ZSWIM5: variants seen among roughly 807,000 people sequenced by gnomAD.
ZSWIM5 encodes the protein zinc finger SWIM domain-containing protein 5.
ZSWIM5 carries 55 observed loss-of-function variants against 119.6 expected under a neutral mutation model. That is an observed-to-expected ratio of 0.46 (90% CI 0.37 to 0.58). The LOEUF is 0.58. ZSWIM5 is among the 20% of genes least tolerant of loss of function. ZSWIM5 has a pLI of 0.00. For synonymous variants in ZSWIM5, 537 were observed against 606.9 expected, an observed-to-expected ratio of 0.88 and a Z score of 1.69; for missense variants, 1,193 against 1,512.8, an observed-to-expected ratio of 0.79 and a Z score of 3.51.
At chr1:45,054,019 A>G (rs553175394) in intron 4 of ZSWIM5, among the ~76,000 whole-genome samples, 2 of 152,262 alleles carry the variant, frequency 1.3e-5, no homozygotes, top group East Asian at 3.9e-4. Context: ...ACAGTGTCTC[A>G]TGCTTGTAAT....
At chr1:45,195,383 G>T (rs1646115808) in intron 1 of ZSWIM5, among the ~76,000 whole-genome samples, 1 of 151,754 alleles carries the variant, frequency 6.6e-6, no homozygotes, top group Admixed American at 6.6e-5. Flanking sequence ...GACTCTAAGT[G>T]TGTGCCAACA....
rs1644875149 is a variant in ZSWIM5 at position 45,019,570 on chromosome 1, G to A, written c.2696-254C>T. Among the ~76,000 whole-genome samples the A allele has an allele frequency of 1.3e-5, 2 of 152,190 alleles. No individual in the cohort carries two copies. The highest frequency in any genetic ancestry group is 2.4e-5 in the African/African-American group (1 of 41,440). On this transcript the variant is annotated intron_variant, in intron 13 of 13. Transcript: ENST00000359600. This position sits in a 1 kb window ranked among gnomAD's most constrained non-coding sequence, Gnocchi z 5.0. ...TGCAGGTGCTCTTAGCCCCTCACAA[G>A]GATGGGACAGTAGAGCCTGGGGTTT...
At chr1:45,121,080 G>C (rs1195436689) in intron 1 of ZSWIM5, among the ~76,000 whole-genome samples, 1 of 152,110 alleles carries the variant, frequency 6.6e-6, no homozygotes, top group African/African-American at 2.4e-5. Context: ...CTCCCGAGTA[G>C]CTGGGACTAC....
chr1:45,199,768 T>C (rs960101649), intron 1 of ZSWIM5, among the ~76,000 whole-genome samples: 8 of 152,168 alleles, frequency 5.3e-5, no homozygotes, highest in African/African-American at 1.7e-4. Context: ...CCTCCCTACC[T>C]AAGGAAGGCA....
At chr1:45,115,300 T>C (rs554820207) in intron 1 of ZSWIM5, among the ~76,000 whole-genome samples, 3,098 of 149,280 alleles carry the variant, frequency 0.021, 115 homozygotes, top group African/African-American at 0.073. Context: ...CCCTCCTGGA[T>C]GGGGCGGCTG....
At chr1:45,047,130 C>T (rs116804145) in intron 5 of ZSWIM5, among the ~76,000 whole-genome samples, 3 of 151,266 alleles carry the variant, frequency 2.0e-5, no homozygotes, top group Non-Finnish European at 2.9e-5. Flanking sequence ...TTCGAAGGAA[C>T]GGTCAATGAA....
intron 1 of ZSWIM5, among the ~76,000 whole-genome samples, chr1:45,115,207 C>A (rs1000903048): frequency 6.6e-6 from 1 of 152,058 alleles, no homozygotes; most frequent in Non-Finnish European, 1.5e-5. Flanking sequence ...TCCTCACTTC[C>A]CAGATGGGGC....
chr1:45,113,378 T>C (rs1011015893), intron 1 of ZSWIM5, among the ~76,000 whole-genome samples: 1 of 152,188 alleles, frequency 6.6e-6, no homozygotes, highest in South Asian at 2.1e-4. Context: ...TTTTATTTAT[T>C]TATTTTTTAG....
intron 1 of ZSWIM5, among the ~76,000 whole-genome samples, chr1:45,120,661 C>T (rs935297650): frequency 6.6e-6 from 1 of 150,796 alleles, no homozygotes; most frequent in Non-Finnish European, 1.5e-5. Context: ...TTTTTGTAGA[C>T]ATGGGGGTCT....
At chr1:45,020,817 C>CTAT in intron 11 of ZSWIM5, 29 bp from the exon 12 acceptor site, 1 of 1,605,702 alleles carries the variant, frequency 6.2e-7, no homozygotes, top group Non-Finnish European at 8.5e-7. Flanking sequence ...GGGGCAGGGT[C>CTAT]TATTTTAAAG....
At chr1:45,022,902 G>A (rs1281793949) in intron 11 of ZSWIM5, among the ~76,000 whole-genome samples, 1 of 152,170 alleles carries the variant, frequency 6.6e-6, no homozygotes, top group African/African-American at 2.4e-5. Flanking sequence ...ATTACACGTG[G>A]ATTCAACATA....
chr1:45,199,035 T>C (rs1011519090), intron 1 of ZSWIM5, among the ~76,000 whole-genome samples: 2 of 152,210 alleles, frequency 1.3e-5, no homozygotes, highest in African/African-American at 2.4e-5. Context: ...TTTTCCAATG[T>C]AGCTGCACCA....
At chr1:45,171,609 A>G (rs902083025) in intron 1 of ZSWIM5, among the ~76,000 whole-genome samples, 2 of 152,136 alleles carry the variant, frequency 1.3e-5, no homozygotes, top group African/African-American at 4.8e-5. Context: ...TCATACTATT[A>G]TAATTCCATA....
At chr1:45,179,916 G>A (rs1646004812) in intron 1 of ZSWIM5, among the ~76,000 whole-genome samples, 1 of 151,204 alleles carries the variant, frequency 6.6e-6, no homozygotes, top group Non-Finnish European at 1.5e-5. Flanking sequence ...ATGTGACAAT[G>A]GAAGCAGAGG....
At chr1:45,145,187 C>CCAGAA (rs1038418390) in intron 1 of ZSWIM5, among the ~76,000 whole-genome samples, 2 of 151,952 alleles carry the variant, frequency 1.3e-5, no homozygotes, top group Non-Finnish European at 2.9e-5. Context: ...AGATGCAGAA[C>CCAGAA]CAGAACTCTC....
At chr1:45,089,170 G>A (rs72684454) in intron 1 of ZSWIM5, among the ~76,000 whole-genome samples, 8,319 of 152,104 alleles carry the variant, frequency 0.055, 265 homozygotes, top group East Asian at 0.11. Flanking sequence ...TAGTGCAGAC[G>A]GGGTTTTACC....
intron 2 of ZSWIM5, among the ~76,000 whole-genome samples, chr1:45,069,182 T>G (rs868234971): frequency 6.6e-6 from 1 of 152,038 alleles, no homozygotes; most frequent in Non-Finnish European, 1.5e-5. Flanking sequence ...ATCCCAGCAC[T>G]TTGGGAGGCC....
chr1:45,138,555 T>C (rs1645704024), intron 1 of ZSWIM5, among the ~76,000 whole-genome samples: 1 of 148,846 alleles, frequency 6.7e-6, no homozygotes, highest in Non-Finnish European at 1.5e-5. Flanking sequence ...AGAGTATTCA[T>C]GAGATTTGCA....
intron 2 of ZSWIM5, among the ~76,000 whole-genome samples, chr1:45,083,971 G>A (rs1006119103): frequency 2.6e-5 from 4 of 152,076 alleles, no homozygotes; most frequent in Non-Finnish European, 5.9e-5. Flanking sequence ...GTGCAGCGGT[G>A]CAATTTTGGT....
Sources: allele counts gnomAD v4.1 joint callset (sites outside exome capture counted in the v4.1 genomes callset), GRCh38; gene constraint gnomAD v4.1.1; non-coding constraint Gnocchi (gnomAD v3.1); transcripts MANE v1.5; gene names NCBI Gene and HGNC (gene_info 2026-07-23, HGNC 2026-07-21).